Variants in ACTR3C observed in about 807,000 individuals in gnomAD.
The protein encoded by ACTR3C is actin related protein 3C, also known as actin-related protein 3C.
Under a neutral mutation model 26.3 loss-of-function variants are expected in ACTR3C, and 18 were observed. That is an observed-to-expected ratio of 0.68 (90% CI 0.47 to 1.01). ACTR3C has a LOEUF of 1.01. Among genes scored for constraint, ACTR3C ranks in the 50% least tolerant of loss-of-function variants. ACTR3C has a pLI of 0.00. For missense variants in ACTR3C, 184 were observed against 250.7 expected, an observed-to-expected ratio of 0.73 and a Z score of 1.80; for synonymous variants, 55 against 94.5, an observed-to-expected ratio of 0.58 and a Z score of 2.42.
intron 1 of ACTR3C, among the ~76,000 whole-genome samples, chr7:150,305,727 T>A (rs1186097794): frequency 1.3e-5 from 2 of 152,118 alleles, no homozygotes; most frequent in African/African-American, 2.4e-5. Flanking sequence ...AGAGTGGAGT[T>A]CCCAGGTGCT....
intron 4 of ACTR3C, among the ~76,000 whole-genome samples, chr7:150,289,057 G>A (rs1406681812): frequency 6.6e-6 from 1 of 151,426 alleles, no homozygotes; most frequent in Non-Finnish European, 1.5e-5. Context: ...TGTGAATTTT[G>A]TGCAATAGCT....
At chr7:149,999,456 G>C in the ACTR3C span, among the ~76,000 whole-genome samples, 1 of 150,478 alleles carries the variant, frequency 6.6e-6, no homozygotes, top group South Asian at 2.2e-4. Context: ...CGGAACAAGC[G>C]ATCATTGCTG....
At chr7:150,064,649 T>TACACACACACAC in the ACTR3C span, among the ~76,000 whole-genome samples, 831 of 145,230 alleles carry the variant, frequency 5.7e-3, 7 homozygotes, top group Middle Eastern at 0.024. Flanking sequence ...TATTTTCACA[T>TACACACACACAC]ACACACACAC....
At chr7:149,968,945 C>G in the ACTR3C span, among the ~76,000 whole-genome samples, 991 of 152,070 alleles carry the variant, frequency 6.5e-3, 4 homozygotes, top group Non-Finnish European at 0.01. Context: ...TTTCTTCCAC[C>G]GTCATTGCTA....
the ACTR3C span, among the ~76,000 whole-genome samples, chr7:150,032,919 TGGGGTGGATTCC>T: frequency 2.0e-5 from 3 of 151,880 alleles, no homozygotes; most frequent in African/African-American, 7.3e-5. Context: ...TGGGAAGGCA[TGGGGTGGATTCC>T]GGGCACTTGA....
At chr7:149,934,556 A>G in the ACTR3C span, among the ~76,000 whole-genome samples, 1 of 152,178 alleles carries the variant, frequency 6.6e-6, no homozygotes, top group Non-Finnish European at 1.5e-5. Flanking sequence ...TTCACTTCAT[A>G]AGAACCAAAG....
At chr7:150,116,170 C>T in the ACTR3C span, among the ~76,000 whole-genome samples, 1 of 152,254 alleles carries the variant, frequency 6.6e-6, no homozygotes, top group Non-Finnish European at 1.5e-5. Flanking sequence ...ACTGTACTGT[C>T]TGTATCTCCC....
At chr7:149,974,995 T>C in the ACTR3C span, among the ~76,000 whole-genome samples, 3 of 152,198 alleles carry the variant, frequency 2.0e-5, no homozygotes, top group African/African-American at 7.2e-5. Flanking sequence ...TGTTTGTTAT[T>C]GTGGACACGA....
the ACTR3C span, among the ~76,000 whole-genome samples, chr7:149,953,031 A>C: frequency 4.0e-5 from 6 of 151,674 alleles, no homozygotes; most frequent in African/African-American, 1.5e-4. Context: ...ACAAAGGTAT[A>C]TGTGCTATTG....
At chr7:150,164,879 T>C in the ACTR3C span, among the ~76,000 whole-genome samples, 2 of 152,206 alleles carry the variant, frequency 1.3e-5, no homozygotes, top group Non-Finnish European at 2.9e-5. Context: ...TGACTCGTTA[T>C]AGGGAGAATT....
downstream of ACTR3C, among the ~76,000 whole-genome samples, chr7:150,242,940 T>G (rs1832268267): frequency 6.6e-6 from 1 of 152,256 alleles, no homozygotes; most frequent in Non-Finnish European, 1.5e-5. Context: ...AAAGAAAAGC[T>G]GTAAATATGT....
chr7:150,165,538 C>T, the ACTR3C span, among the ~76,000 whole-genome samples: 1 of 151,746 alleles, frequency 6.6e-6, no homozygotes, highest in African/African-American at 2.4e-5. Context: ...TTGCCTTGAG[C>T]CATCTTGCAA....
chr7:150,041,197 C>G, the ACTR3C span, among the ~76,000 whole-genome samples: 2 of 150,382 alleles, frequency 1.3e-5, 1 homozygote. Flanking sequence ...TTCAAAAGTT[C>G]CGGGTCCCCG....
intron 6 of ACTR3C, among the ~76,000 whole-genome samples, chr7:150,275,769 A>C (rs1004506203): frequency 1.3e-5 from 2 of 152,016 alleles, no homozygotes; most frequent in Non-Finnish European, 2.9e-5. Context: ...CCTTTGTAAA[A>C]GTGTTTTTTA....
At chr7:150,070,794 C>G in the ACTR3C span, among the ~76,000 whole-genome samples, 1 of 139,476 alleles carries the variant, frequency 7.2e-6, no homozygotes, top group Non-Finnish European at 1.5e-5. Flanking sequence ...TTTCTTTTTT[C>G]TTTTCTTTTT....
the ACTR3C span, among the ~76,000 whole-genome samples, chr7:150,142,674 G>A: frequency 0.097 from 14,560 of 149,584 alleles, 930 homozygotes; most frequent in South Asian, 0.14. Flanking sequence ...GATTACAGAC[G>A]CCCACCACCA....
the ACTR3C span, among the ~76,000 whole-genome samples, chr7:150,040,933 C>G: frequency 6.7e-6 from 1 of 150,288 alleles, no homozygotes; most frequent in Non-Finnish European, 1.5e-5. Context: ...GCTTCTTGTA[C>G]TAGCAGGGCA....
At chr7:149,918,811 T>C in the ACTR3C span, among the ~76,000 whole-genome samples, 3 of 152,166 alleles carry the variant, frequency 2.0e-5, no homozygotes, top group Non-Finnish European at 4.4e-5. Flanking sequence ...TGCCTGACTT[T>C]AGAGATATAA....
At chr7:150,177,582 G>A in the ACTR3C span, among the ~76,000 whole-genome samples, 7 of 150,796 alleles carry the variant, frequency 4.6e-5, no homozygotes, top group Non-Finnish European at 1.0e-4. Flanking sequence ...TTTCTAAGAT[G>A]TGATATCTCT....
Sources: gnomAD v4.1 joint callset for allele counts (sites outside exome capture counted in the v4.1 genomes callset) on GRCh38, gnomAD v4.1.1 for gene constraint, MANE v1.5 for transcripts, NCBI Gene and HGNC (gene_info 2026-07-23, HGNC 2026-07-21) for gene names.